MRTFB: variants seen among roughly 807,000 people sequenced by gnomAD.
MRTFB encodes myocardin-related transcription factor B.
MRTFB carries 29 observed loss-of-function variants against 104.2 expected under a neutral mutation model. The observed-to-expected ratio is 0.28, with a 90% CI of 0.21 to 0.38. The LOEUF (loss-of-function observed/expected upper bound fraction) is 0.38, where lower values mean the gene tolerates loss of function less well. Among genes scored for constraint, MRTFB ranks in the 10% least tolerant of loss-of-function variants. The pLI, the probability that MRTFB is intolerant of heterozygous loss-of-function variation, is 1.00. For missense variants in MRTFB, 1,270 were observed against 1,341.6 expected (o/e 0.95, Z 0.83); for synonymous variants, 535 against 519.5 (o/e 1.03, Z -0.41).
rs1567231445 is a variant in MRTFB at position 14,261,159 on chromosome 16, CAGAG to C, written c.3018_3021del (p.Arg1006SerfsTer5). On this transcript the variant is annotated frameshift_variant, in exon 17 of 17. Transcript: ENST00000571589. LOFTEE classifies it high-confidence loss of function. ...CTCCACTACAAAGCAGCAGTGAAGA[CAGAG>C]AGCCCTTCTCTCTGATCGAGGACCT... The C allele has an allele frequency of 6.2e-7, 1 of 1,614,210 alleles. No individual in the cohort carries two copies. Among genetic ancestry groups the C allele is most frequent in the Non-Finnish European group, 8.5e-7 (1 of 1,180,050 alleles).
At chr16:14,029,029 T>A in the MRTFB span, among the ~76,000 whole-genome samples, 4 of 151,610 alleles carry the variant, frequency 2.6e-5, no homozygotes, top group East Asian at 3.9e-4. Flanking sequence ...TCTTAAACGG[T>A]AACCAGAGGA....
rs370313659 is a variant in MRTFB at position 14,251,294 on chromosome 16, G to A, written c.2404-568G>A. On this transcript the variant is annotated intron_variant, in intron 13 of 16. Transcript: ENST00000571589. ...TGGGAGGCTGAGGCAGGAGAATGGC[G>A]TGAACCTGGGAGGCGGAGCTTGCAG... Among the ~76,000 whole-genome samples, 492 of 150,016 alleles carry A rather than the reference G, an allele frequency of 3.3e-3. 2 individuals carry two copies. The highest frequency in any genetic ancestry group is 8.3e-3 in the African/African-American group (337 of 40,708).
intron 2 of MRTFB, among the ~76,000 whole-genome samples, chr16:14,118,562 G>A (rs1437342025): frequency 1.3e-5 from 2 of 151,720 alleles, no homozygotes; most frequent in Admixed American, 6.6e-5. Context: ...GCACTTTGGG[G>A]AAACTGAGTT....
intron 3 of MRTFB, among the ~76,000 whole-genome samples, chr16:14,195,267 C>T (rs962219677): frequency 5.9e-5 from 9 of 152,130 alleles, no homozygotes; most frequent in South Asian, 2.1e-4. Flanking sequence ...GGCTTTTGTG[C>T]GTGGCAAGGG....
intron 8 of MRTFB, among the ~76,000 whole-genome samples, chr16:14,221,063 C>T (rs1430185048): frequency 6.6e-6 from 1 of 152,170 alleles, no homozygotes; most frequent in East Asian, 1.9e-4. Flanking sequence ...CTATGCCATA[C>T]AGATGTCAAA....
At chr16:14,071,052 A>C (rs531329950), upstream of MRTFB, among the ~76,000 whole-genome samples, 7 of 152,272 alleles carry the variant, frequency 4.6e-5, no homozygotes, top group East Asian at 1.4e-3. Flanking sequence ...CTCAGGGCCG[A>C]GCCCCGGACA....
At chr16:14,127,141 C>T (rs1270127203) in intron 2 of MRTFB, among the ~76,000 whole-genome samples, 1 of 152,126 alleles carries the variant, frequency 6.6e-6, no homozygotes, top group East Asian at 1.9e-4. Flanking sequence ...TGATTAACAT[C>T]CATTTATTAA....
At chr16:14,209,731 A>G (rs2041111170) in intron 3 of MRTFB, among the ~76,000 whole-genome samples, 1 of 152,194 alleles carries the variant, frequency 6.6e-6, no homozygotes, top group Admixed American at 6.5e-5. Context: ...ACTAAACTTT[A>G]AATTCCTAAT....
At chr16:14,075,462 A>G (rs1010152386) in intron 1 of MRTFB, among the ~76,000 whole-genome samples, 1 of 152,280 alleles carries the variant, frequency 6.6e-6, no homozygotes, top group Non-Finnish European at 1.5e-5. Flanking sequence ...ACGTGAACAT[A>G]TAAAAATCAC....
At chr16:14,044,128 G>T in the MRTFB span, among the ~76,000 whole-genome samples, 10 of 152,148 alleles carry the variant, frequency 6.6e-5, no homozygotes, top group African/African-American at 2.4e-4. Context: ...CCTAGTAAAG[G>T]CCTTGTCATT....
At chr16:14,206,797 C>T (rs1229680479) in intron 3 of MRTFB, among the ~76,000 whole-genome samples, 4 of 152,166 alleles carry the variant, frequency 2.6e-5, no homozygotes, top group East Asian at 1.9e-4. Flanking sequence ...AGTCTCGTCC[C>T]GGCCTCCCAA....
intron 2 of MRTFB, among the ~76,000 whole-genome samples, chr16:14,104,844 G>C (rs2035889568): frequency 6.6e-6 from 1 of 152,158 alleles, no homozygotes; most frequent in African/African-American, 2.4e-5. Flanking sequence ...ATGTTTGATT[G>C]ATCATATCTA....
chr16:14,097,454 G>A (rs2035449254), intron 2 of MRTFB, among the ~76,000 whole-genome samples: 2 of 152,188 alleles, frequency 1.3e-5, no homozygotes, highest in African/African-American at 4.8e-5. Context: ...AGGAAAAGGT[G>A]TATTTGAAGC....
chr16:14,081,573 T>C (rs2034406608), intron 2 of MRTFB, among the ~76,000 whole-genome samples: 1 of 144,812 alleles, frequency 6.9e-6, no homozygotes, highest in Non-Finnish European at 1.5e-5. Context: ...GATTCAGGCA[T>C]GAGCCACTGC....
At position 14,258,180 on chromosome 16, in the gene MRTFB, C is replaced by T. The variant is rs774099734; in HGVS notation, c.2764+19C>T. ...AGTGGAGGTAAGTCAAAAGTCACATCAGATCCTCCCAGGAAGTCATCTCTT... is the reference window on the plus strand; with the variant it reads ...AGTGGAGGTAAGTCAAAAGTCACATTAGATCCTCCCAGGAAGTCATCTCTT... On this transcript the variant is annotated intron_variant, in intron 16 of 16. Transcript: ENST00000571589. 5.6e-6 allele frequency: 9 copies of T among 1,607,270 alleles called. No homozygotes were observed. The South Asian group carries it at 9.9e-5, about 18-fold the overall frequency.
chr16:14,169,191 A>T (rs1339392986), intron 3 of MRTFB, among the ~76,000 whole-genome samples: 1 of 152,050 alleles, frequency 6.6e-6, no homozygotes, highest in Non-Finnish European at 1.5e-5. Context: ...TCATTTTTTG[A>T]CATATTTCAG....
intron 4 of MRTFB, among the ~76,000 whole-genome samples, chr16:14,210,888 G>T (rs986660972): frequency 3.3e-5 from 5 of 152,104 alleles, no homozygotes; most frequent in Non-Finnish European, 7.4e-5. Flanking sequence ...TAGAATGTTT[G>T]TTCTAGTTGT....
At chr16:14,201,616 C>G (rs1253692359) in intron 3 of MRTFB, among the ~76,000 whole-genome samples, 1 of 152,074 alleles carries the variant, frequency 6.6e-6, no homozygotes, top group Non-Finnish European at 1.5e-5. Flanking sequence ...GTGGAATCAT[C>G]GTAGTTTAAG....
chr16:14,117,554 T>C (rs28434642), intron 2 of MRTFB, among the ~76,000 whole-genome samples: 22,315 of 152,242 alleles, frequency 0.15, 2,426 homozygotes, highest in East Asian at 0.29. Flanking sequence ...CTGTTGTGTT[T>C]GTTTATGTTT....
Sources: allele counts gnomAD v4.1 joint callset (sites outside exome capture counted in the v4.1 genomes callset), GRCh38; gene constraint gnomAD v4.1.1; transcripts MANE v1.5; gene names NCBI Gene and HGNC (gene_info 2026-07-23, HGNC 2026-07-21).